The following XKR9 variants were observed in gnomAD, a reference collection of about 807,000 sequenced individuals.
The protein encoded by XKR9 is XK related 9.
XKR9 carries 32 observed loss-of-function variants against 32.0 expected under a neutral mutation model. The ratio of observed to expected loss-of-function variants is 1.00; its 90% CI spans 0.76 to 1.34. The LOEUF is 1.34. XKR9 is among the 40% of genes most tolerant of loss of function. XKR9 has a pLI of 0.00. For missense variants in XKR9, 546 were observed against 429.7 expected (o/e 1.27, Z -2.39); for synonymous variants, 168 against 143.4 (o/e 1.17, Z -1.22).
the XKR9 span, among the ~76,000 whole-genome samples, chr8:70,918,625 A>G: frequency 1.3e-5 from 2 of 151,944 alleles, no homozygotes; most frequent in Non-Finnish European, 1.5e-5. Context: ...CCTAGGAGGC[A>G]GAGATTGCAC....
the XKR9 span, among the ~76,000 whole-genome samples, chr8:70,795,540 T>A: frequency 6.6e-6 from 1 of 152,202 alleles, no homozygotes; most frequent in Non-Finnish European, 1.5e-5. Flanking sequence ...TGTGTTTAGG[T>A]CTTTGAGGAA....
the XKR9 span, among the ~76,000 whole-genome samples, chr8:70,912,435 A>G: frequency 3.3e-5 from 5 of 152,258 alleles, no homozygotes; most frequent in South Asian, 1.0e-3. Flanking sequence ...CATAAAATAA[A>G]TAGGATTTGA....
the XKR9 span, among the ~76,000 whole-genome samples, chr8:71,047,752 A>G: frequency 3.3e-5 from 5 of 152,162 alleles, no homozygotes; most frequent in African/African-American, 1.2e-4. Flanking sequence ...TCTAGGTCCT[A>G]TTTACTGCAT....
At chr8:70,678,354 G>T (rs1192461052) in intron 2 of XKR9, among the ~76,000 whole-genome samples, 1 of 151,856 alleles carries the variant, frequency 6.6e-6, no homozygotes, top group Admixed American at 6.6e-5. Flanking sequence ...TATTTTTGAG[G>T]TGCATGTGAT....
chr8:70,746,032 T>C (rs993695227), intron 2 of XKR9, among the ~76,000 whole-genome samples: 1 of 152,182 alleles, frequency 6.6e-6, no homozygotes, highest in African/African-American at 2.4e-5. Flanking sequence ...TATTTTGATA[T>C]TAGATCTAGT....
At chr8:70,897,940 C>T in the XKR9 span, among the ~76,000 whole-genome samples, 1 of 152,118 alleles carries the variant, frequency 6.6e-6, no homozygotes, top group Non-Finnish European at 1.5e-5. Context: ...AATGTAATTA[C>T]TTTTACATTT....
the XKR9 span, among the ~76,000 whole-genome samples, chr8:70,866,376 G>A: frequency 6.6e-6 from 1 of 152,212 alleles, no homozygotes; most frequent in African/African-American, 2.4e-5. Flanking sequence ...AATGGGAAAA[G>A]CCAGCATATG....
At chr8:70,732,204 C>T (rs539714228) in intron 4 of XKR9, among the ~76,000 whole-genome samples, 112 of 152,278 alleles carry the variant, frequency 7.4e-4, no homozygotes, top group African/African-American at 2.5e-3. Context: ...ATGGGGCTAC[C>T]GAACCATTTG....
At chr8:70,916,504 T>G in the XKR9 span, among the ~76,000 whole-genome samples, 3 of 152,226 alleles carry the variant, frequency 2.0e-5, no homozygotes, top group Admixed American at 1.3e-4. Flanking sequence ...CTGGGAATAT[T>G]GGGTGTTCTA....
chr8:70,889,840 T>C, the XKR9 span, among the ~76,000 whole-genome samples: 1 of 152,050 alleles, frequency 6.6e-6, no homozygotes, highest in East Asian at 1.9e-4. Context: ...CTTAGGTTGA[T>C]TCCACGTCTT....
intron 2 of XKR9, among the ~76,000 whole-genome samples, chr8:70,677,789 G>A (rs916251968): frequency 1.3e-5 from 2 of 152,166 alleles, no homozygotes; most frequent in African/African-American, 4.8e-5. Flanking sequence ...AGGGATTTGT[G>A]AGGATTAAAT....
At chr8:70,716,908 T>G (rs115411319) in intron 4 of XKR9, among the ~76,000 whole-genome samples, 1,604 of 152,294 alleles carry the variant, frequency 0.011, 27 homozygotes, top group African/African-American at 0.037. Context: ...AGATACAATG[T>G]GGGTATAGGC....
At chr8:70,669,813 T>C (rs1381942857) in intron 1 of XKR9, among the ~76,000 whole-genome samples, 2 of 151,852 alleles carry the variant, frequency 1.3e-5, no homozygotes, top group African/African-American at 2.4e-5. Context: ...ACTATAGGCG[T>C]CCGCCACCAC....
chr8:70,863,043 G>A, the XKR9 span, among the ~76,000 whole-genome samples: 52 of 152,146 alleles, frequency 3.4e-4, no homozygotes, highest in Admixed American at 1.2e-3. Context: ...TGTTGTCAGC[G>A]TGCAGTAGCA....
chr8:71,018,040 C>T, the XKR9 span, among the ~76,000 whole-genome samples: 33 of 151,998 alleles, frequency 2.2e-4, no homozygotes, highest in African/African-American at 7.7e-4. Flanking sequence ...AGGTTTTTTT[C>T]CTCTGACTCT....
chr8:70,937,055 A>T, the XKR9 span, among the ~76,000 whole-genome samples: 1 of 151,944 alleles, frequency 6.6e-6, no homozygotes, highest in Non-Finnish European at 1.5e-5. Context: ...ATGGTGGGTA[A>T]TTACAGCACA....
chr8:70,990,938 G>A, the XKR9 span, among the ~76,000 whole-genome samples: 1 of 152,120 alleles, frequency 6.6e-6, no homozygotes, highest in African/African-American at 2.4e-5. Context: ...ACTGGTGAGA[G>A]GTGTGTTTAT....
chr8:70,852,041 A>G, the XKR9 span, among the ~76,000 whole-genome samples: 1 of 152,254 alleles, frequency 6.6e-6, no homozygotes, highest in African/African-American at 2.4e-5. Flanking sequence ...CTATCTGACA[A>G]AGGTCTAATA....
At chr8:70,753,564 A>G (rs1254022964) in intron 2 of XKR9, among the ~76,000 whole-genome samples, 1 of 152,108 alleles carries the variant, frequency 6.6e-6, no homozygotes, top group Non-Finnish European at 1.5e-5. Flanking sequence ...AAGCTTATCC[A>G]CCATGATCAA....
Sources: allele counts gnomAD v4.1 joint callset (sites outside exome capture counted in the v4.1 genomes callset), GRCh38; gene constraint gnomAD v4.1.1; transcripts MANE v1.5; gene names NCBI Gene and HGNC (gene_info 2026-07-23, HGNC 2026-07-21).